The following SORCS2 variants were observed in gnomAD, a reference collection of about 807,000 sequenced individuals.
The protein encoded by SORCS2 is sortilin related VPS10 domain containing receptor 2, also known as VPS10 domain-containing receptor SorCS2.
In SORCS2, 100 loss-of-function variants were observed where a neutral mutation model predicts 141.6. The observed-to-expected ratio is 0.71, with a 90% CI of 0.60 to 0.83. The LOEUF (loss-of-function observed/expected upper bound fraction) is 0.83, where lower values mean the gene tolerates loss of function less well. Among genes scored for constraint, SORCS2 ranks in the 40% least tolerant of loss-of-function variants. The probability of loss-of-function intolerance (pLI) is 0.00; values close to 1 mark genes in which losing one functional copy is unlikely to be tolerated. For synonymous variants in SORCS2, 789 were observed against 676.9 expected, an observed-to-expected ratio of 1.17 and a Z score of -2.57; for missense variants, 1,646 against 1,560.2, an observed-to-expected ratio of 1.05 and a Z score of -0.93.
intron 2 of SORCS2, among the ~76,000 whole-genome samples, chr4:7,493,175 A>C (rs1731411123): frequency 6.6e-6 from 1 of 152,160 alleles, no homozygotes; most frequent in Admixed American, 6.5e-5. Context: ...GAGGATGAGA[A>C]TCTCAGGTGG....
At chr4:7,576,664 G>A (rs1715772331) in intron 3 of SORCS2, among the ~76,000 whole-genome samples, 1 of 152,202 alleles carries the variant, frequency 6.6e-6, no homozygotes. Flanking sequence ...TGTGGACGTG[G>A]AGAGGTGGTG....
intron 2 of SORCS2, among the ~76,000 whole-genome samples, chr4:7,482,028 A>G (rs1228227149): frequency 3.4e-3 from 219 of 65,134 alleles, no homozygotes; most frequent in East Asian, 0.026. Flanking sequence ...CTGTATCCCC[A>G]CTGCGGACAC....
intron 1 of SORCS2, among the ~76,000 whole-genome samples, chr4:7,276,862 G>C (rs1715534100): frequency 6.6e-6 from 1 of 152,192 alleles, no homozygotes; most frequent in East Asian, 1.9e-4. Flanking sequence ...ATGTGTGTGG[G>C]TGCATCCAAC....
intron 3 of SORCS2, among the ~76,000 whole-genome samples, chr4:7,549,794 C>T (rs1713544191): frequency 6.6e-6 from 1 of 152,322 alleles, no homozygotes; most frequent in Admixed American, 6.5e-5. Context: ...GGGACCAGCA[C>T]CGTATCTTAT....
At chr4:7,533,122 C>T (rs73214632) in intron 3 of SORCS2, among the ~76,000 whole-genome samples, 3,799 of 152,200 alleles carry the variant, frequency 0.025, 84 homozygotes, top group African/African-American at 0.055. Flanking sequence ...GGACATTGGA[C>T]GAGAGAGGTG....
chr4:7,306,945 G>A (rs1292319346), intron 1 of SORCS2, among the ~76,000 whole-genome samples: 1 of 152,182 alleles, frequency 6.6e-6, no homozygotes, highest in African/African-American at 2.4e-5. Context: ...TTAGTTATTT[G>A]ACAAAGAAGG....
chr4:7,548,073 A>G (rs765308772), intron 3 of SORCS2, among the ~76,000 whole-genome samples: 1 of 152,060 alleles, frequency 6.6e-6, no homozygotes, highest in Non-Finnish European at 1.5e-5. Context: ...TAGTAATTAT[A>G]TTTTCTGAAA....
At chr4:7,606,053 C>T (rs1044694681) in intron 3 of SORCS2, among the ~76,000 whole-genome samples, 8 of 152,150 alleles carry the variant, frequency 5.3e-5, no homozygotes, top group East Asian at 1.9e-4. Flanking sequence ...GTGCTCTGGC[C>T]GGTTGCATGA....
At chr4:7,519,867 T>C (rs1009551401) in intron 2 of SORCS2, among the ~76,000 whole-genome samples, 1 of 152,226 alleles carries the variant, frequency 6.6e-6, no homozygotes, top group African/African-American at 2.4e-5. Context: ...GTGGTCTCTG[T>C]GCCTGCTCTC....
intron 11 of SORCS2, among the ~76,000 whole-genome samples, chr4:7,692,571 T>C (rs1338477955): frequency 6.6e-6 from 1 of 152,206 alleles, no homozygotes; most frequent in Non-Finnish European, 1.5e-5. Flanking sequence ...TGCCAGGCAC[T>C]GCACTGGGTA....
chr4:7,372,709 C>T (rs1373968718), intron 1 of SORCS2, among the ~76,000 whole-genome samples: 1 of 152,220 alleles, frequency 6.6e-6, no homozygotes, highest in Non-Finnish European at 1.5e-5. Flanking sequence ...TCCCTCACCC[C>T]CCAGAAGTTC....
intron 22 of SORCS2, 31 bp from the exon 23 acceptor site, chr4:7,729,556 G>A: frequency 1.9e-6 from 3 of 1,560,342 alleles, no homozygotes; most frequent in Non-Finnish European, 2.6e-6. Flanking sequence ...AGGAAGACAG[G>A]CGGACCAAAG....
rs1476297042 is a variant in SORCS2 at position 7,193,679 on chromosome 4, G to GGGGT, written c.480+553_480+554insGGGT. The stretch of plus-strand genomic sequence containing the variant: ...CCCTCTCCCCGGGGTACTCTAGTGC[G>GGGGT]ACCCGCGGCTGTCTTGAGCTCTTGC... On this transcript the variant is annotated intron_variant, in intron 1 of 26. Coordinates refer to ENST00000507866, the MANE Select transcript of SORCS2 (RefSeq NM_020777.3). The surrounding 1 kb of genome is among the most constrained non-coding windows in gnomAD (Gnocchi z 4.8). Among the ~76,000 whole-genome samples the GGGGT allele has an allele frequency of 5.9e-5, 9 of 152,170 alleles. No individual in the cohort carries two copies. Among genetic ancestry groups the GGGGT allele is most frequent in the Non-Finnish European group, 1.3e-4 (9 of 68,026 alleles).
chr4:7,359,334 T>C (rs3894737), intron 1 of SORCS2, among the ~76,000 whole-genome samples: 137,180 of 152,010 alleles, frequency 0.9, 62,002 homozygotes, highest in Non-Finnish European at 0.93. Flanking sequence ...AAGACTTACT[T>C]TGTCACCCAG....
rs1165192049 is a variant in SORCS2, at chr4:7,403,995, ATATTTTTTTTT to A, written c.548+7642_548+7652del. Among the ~76,000 whole-genome samples the A allele has an allele frequency of 5.2e-4, 5 of 9,556 alleles. 1 individual carries two copies. Among genetic ancestry groups the A allele is most frequent in the Non-Finnish European group, 2.3e-3 (4 of 1,732 alleles). 6.3% of individuals were successfully genotyped at this position (9,556 alleles called of 152,430 possible). ...TATATATATATATATATATATATAT[ATATTTTTTTTT>A]TTTTTTTAGTATCCATTTATGAGTG... On this transcript the variant is annotated intron_variant, in intron 2 of 26. Transcript: ENST00000507866.
chr4:7,714,473 C>T (rs1726055296), intron 16 of SORCS2, 100 bp downstream of exon 16: 4 of 1,308,236 alleles, frequency 3.1e-6, no homozygotes, highest in Admixed American at 4.7e-5. Flanking sequence ...AGCCTCAGCG[C>T]CTTTTATAAC....
At chr4:7,528,043 G>GTCTCTCTCTC (rs1244726245) in intron 2 of SORCS2, among the ~76,000 whole-genome samples, 1 of 147,862 alleles carries the variant, frequency 6.8e-6, no homozygotes, top group Admixed American at 6.7e-5. Context: ...CTCTCTCTCT[G>GTCTCTCTCTC]TCTCTCTCTG....
intron 1 of SORCS2, among the ~76,000 whole-genome samples, chr4:7,231,514 T>C (rs1711880295): frequency 2.0e-5 from 3 of 152,312 alleles, no homozygotes; most frequent in South Asian, 4.1e-4. Flanking sequence ...TGTCTGCATC[T>C]GTCCATCCAT....
intron 1 of SORCS2, among the ~76,000 whole-genome samples, chr4:7,263,520 C>T (rs892292060): frequency 5.3e-5 from 8 of 152,218 alleles, no homozygotes; most frequent in African/African-American, 1.9e-4. Context: ...TGATTGCGAA[C>T]CTGCTGTGTG....
Sources: gnomAD v4.1 joint callset for allele counts (sites outside exome capture counted in the v4.1 genomes callset) on GRCh38, gnomAD v4.1.1 for gene constraint, Gnocchi (gnomAD v3.1) non-coding constraint, MANE v1.5 for transcripts, NCBI Gene and HGNC (gene_info 2026-07-23, HGNC 2026-07-21) for gene names.